The following RIMS2 variants were observed in gnomAD, a reference collection of about 807,000 sequenced individuals.
The protein encoded by RIMS2 is regulating synaptic membrane exocytosis 2.
Under a neutral mutation model 174.4 loss-of-function variants are expected in RIMS2, and 59 were observed. That is an observed-to-expected ratio of 0.34 (90% confidence interval 0.27 to 0.42). The LOEUF is 0.42. Among genes scored for constraint, RIMS2 ranks in the 10% least tolerant of loss-of-function variants. The probability of loss-of-function intolerance (pLI) is 1.00; values close to 1 mark genes in which losing one functional copy is unlikely to be tolerated. For missense variants in RIMS2, 1,620 were observed against 1,666.3 expected (o/e 0.97, Z 0.48); for synonymous variants, 606 against 572.5 (o/e 1.06, Z -0.84).
chr8:103,904,034 A>G (rs1267631396), intron 4 of RIMS2, among the ~76,000 whole-genome samples: 1 of 152,106 alleles, frequency 6.6e-6, no homozygotes, highest in South Asian at 2.1e-4. Context: ...ACTTCTATAA[A>G]GATGAAGAAC....
Position 104,029,874 on chromosome 8 carries a change from CA to C in RIMS2, c.3334+15264del, listed in dbSNP as rs1442105425. 4.6e-5 allele frequency among the ~76,000 whole-genome samples: 7 copies of C among 152,010 alleles called. No individual in the cohort carries two copies. In the East Asian group the frequency reaches 1.3e-3, roughly 29 times the overall value. On this transcript the variant is annotated intron_variant, in intron 19 of 23. Transcript: ENST00000504942. The stretch of plus-strand genomic sequence containing the variant: ...ATCTTTCTTAATTATTCGTAGATAA[CA>C]AAAAGTGTAGGTAATTCAGAATCAA...
intron 19 of RIMS2, among the ~76,000 whole-genome samples, chr8:104,064,377 A>C (rs1456990283): frequency 6.6e-6 from 1 of 152,124 alleles, no homozygotes; most frequent in Non-Finnish European, 1.5e-5. Context: ...ATTTTGAGCT[A>C]TTTATTAATT....
chr8:103,584,117 T>G (rs973699282), intron 1 of RIMS2, among the ~76,000 whole-genome samples: 2 of 152,080 alleles, frequency 1.3e-5, no homozygotes, highest in East Asian at 3.8e-4. Flanking sequence ...ATAACATAAA[T>G]AGAGCTCCAG....
intron 3 of RIMS2, among the ~76,000 whole-genome samples, chr8:103,812,642 A>C (rs1200075203): frequency 6.6e-6 from 1 of 152,090 alleles, no homozygotes. Flanking sequence ...TTGGCCTCCC[A>C]AAGTGTTGTG....
intron 19 of RIMS2, among the ~76,000 whole-genome samples, chr8:104,081,775 T>C (rs2097424940): frequency 6.6e-6 from 1 of 152,064 alleles, no homozygotes; most frequent in South Asian, 2.1e-4. Flanking sequence ...CTAGATTACA[T>C]TCTCTCTGAG....
intron 1 of RIMS2, 34 bp downstream of exon 1, chr8:103,501,096 C>T (rs1414113845): frequency 3.3e-6 from 5 of 1,510,960 alleles, no homozygotes; most frequent in East Asian, 2.6e-5. Context: ...CGCCTCTCTC[C>T]CTGCCCTCCG....
At chr8:103,947,555 G>A (rs577716389) in intron 14 of RIMS2, among the ~76,000 whole-genome samples, 1 of 152,240 alleles carries the variant, frequency 6.6e-6, no homozygotes, top group Non-Finnish European at 1.5e-5. Flanking sequence ...ATAAGTATTT[G>A]TTTATCTAAA....
At chr8:103,875,176 G>A (rs984175591) in intron 3 of RIMS2, among the ~76,000 whole-genome samples, 1 of 151,940 alleles carries the variant, frequency 6.6e-6, no homozygotes, top group Non-Finnish European at 1.5e-5. Flanking sequence ...TGGATGAATT[G>A]TGTAGTAGTG....
chr8:103,642,146 T>C (rs1564130077), intron 1 of RIMS2, among the ~76,000 whole-genome samples: 1 of 152,164 alleles, frequency 6.6e-6, no homozygotes, highest in African/African-American at 2.4e-5. Context: ...AATTTTTCTC[T>C]CTCTTCTTTT....
chr8:103,544,169 A>C lies in RIMS2; in HGVS notation c.176+43107A>C, dbSNP rs1437529620. Among the ~76,000 whole-genome samples, 4 of 152,176 alleles carry C rather than the reference A, an allele frequency of 2.6e-5. No homozygotes were observed. The East Asian group carries it at 7.7e-4, about 29-fold the overall frequency. Reference sequence around the variant, plus strand: ...TCTCTACTAGAGCTTCTGGCCCAGCAGTCCCGCTTTTCTGTTCAGCAGTTA... The same window carrying C: ...TCTCTACTAGAGCTTCTGGCCCAGCCGTCCCGCTTTTCTGTTCAGCAGTTA... On this transcript the variant is annotated intron_variant, in intron 1 of 23. Transcript: ENST00000504942.
At chr8:104,091,581 T>G (rs2097658740) in intron 19 of RIMS2, among the ~76,000 whole-genome samples, 1 of 150,450 alleles carries the variant, frequency 6.6e-6, no homozygotes, top group Admixed American at 6.7e-5. Context: ...ATAAATTTTG[T>G]GAAAATATGT....
intron 17 of RIMS2, among the ~76,000 whole-genome samples, chr8:104,009,752 T>C (rs765076626): frequency 3.1e-4 from 47 of 152,204 alleles, no homozygotes; most frequent in South Asian, 6.2e-4. Context: ...TAAGTAGCTT[T>C]ACTTTTTACA....
chr8:103,534,133 T>A (rs933996896), intron 1 of RIMS2, among the ~76,000 whole-genome samples: 6 of 152,204 alleles, frequency 3.9e-5, no homozygotes, highest in African/African-American at 1.4e-4. Flanking sequence ...ACTTAGAAGC[T>A]CCACATATAA....
At chr8:104,053,282 A>T (rs1478453112) in intron 19 of RIMS2, among the ~76,000 whole-genome samples, 2 of 152,202 alleles carry the variant, frequency 1.3e-5, no homozygotes, top group African/African-American at 4.8e-5. Context: ...GGATATTCTT[A>T]CTTTATAACT....
chr8:103,943,239 A>G (rs1157781653), intron 14 of RIMS2, among the ~76,000 whole-genome samples: 1 of 152,204 alleles, frequency 6.6e-6, no homozygotes, highest in East Asian at 1.9e-4. Flanking sequence ...TAGGAATAAG[A>G]TGGCTAATAT....
At chr8:103,627,648 C>T (rs2095818959) in intron 1 of RIMS2, among the ~76,000 whole-genome samples, 1 of 152,222 alleles carries the variant, frequency 6.6e-6, no homozygotes, top group Admixed American at 6.5e-5. Flanking sequence ...TCGGCTCCAG[C>T]CGGTCCCTCC....
chr8:103,696,241 A>G (rs974530378), intron 1 of RIMS2, among the ~76,000 whole-genome samples: 14 of 152,110 alleles, frequency 9.2e-5, no homozygotes, highest in Non-Finnish European at 1.3e-4. Context: ...AGAGCCCCCA[A>G]AATGAAGGAA....
chr8:103,860,691 G>A (rs2099053993), intron 3 of RIMS2, among the ~76,000 whole-genome samples: 1 of 151,902 alleles, frequency 6.6e-6, no homozygotes, highest in Admixed American at 6.6e-5. Context: ...AAAGTATGTG[G>A]GAAAATATGA....
chr8:104,230,623 G>T (rs577882401), intron 19 of RIMS2, among the ~76,000 whole-genome samples: 20 of 152,256 alleles, frequency 1.3e-4, no homozygotes, highest in African/African-American at 4.3e-4. Context: ...TCCAGCCTGG[G>T]CGACAAAGTG....
Sources: gnomAD v4.1 joint callset for allele counts (sites outside exome capture counted in the v4.1 genomes callset) on GRCh38, gnomAD v4.1.1 for gene constraint, MANE v1.5 for transcripts, NCBI Gene and HGNC (gene_info 2026-07-23, HGNC 2026-07-21) for gene names.